Variants in UBP1 observed in about 807,000 individuals in gnomAD.
The protein encoded by UBP1 is upstream-binding protein 1.
A neutral mutation model predicts 76.1 loss-of-function variants in UBP1; 22 were observed. That is an observed-to-expected ratio of 0.29 (90% CI 0.21 to 0.41). UBP1 has a LOEUF of 0.41. Ranked by LOEUF, UBP1 falls within the 10% of genes least tolerant of loss-of-function variation. The pLI is 1.00. For missense variants in UBP1, 436 were observed against 668.1 expected (o/e 0.65, Z 3.83); for synonymous variants, 224 against 237.1 (o/e 0.94, Z 0.51).
chr3:33,417,084 T>C (rs1362641393), intron 2 of UBP1, among the ~76,000 whole-genome samples: 2 of 152,228 alleles, frequency 1.3e-5, no homozygotes, highest in African/African-American at 4.8e-5. Flanking sequence ...ACACTAAACT[T>C]TTATTATGCT....
At chr3:33,403,037 C>T in intron 8 of UBP1, 133 bp from the exon 9 acceptor site, 1 of 776,548 alleles carries the variant, frequency 1.3e-6, no homozygotes, top group Non-Finnish European at 2.1e-6. Flanking sequence ...AGCAACCTCA[C>T]AGACACATGT....
chr3:33,416,769 T>C lies in UBP1; in HGVS notation c.331A>G (p.Lys111Glu). ...TGGACTGTCCTTACCTTTACTAATT[T>C]TCCATTGATCTCAGGCATATCACCC... ...KMGDMPEING[K>E]LVKSIIRVVF... The change falls in exon 3 of 16, where the codon AAA (lysine) becomes GAA (glutamate). Residue 111 changes from lysine (K) to glutamate (E), a missense_variant. Physicochemically the swap from Lys to Glu is moderately conservative, Grantham distance 56. Around this residue, in one of 3 missense-constraint regions of UBP1, gnomAD observed 161 missense variants for 237.9 expected, o/e 0.68. Transcript: ENST00000283629. 1.2e-6 allele frequency: 2 copies of C among 1,613,104 alleles called. No homozygotes were observed. The highest frequency in any genetic ancestry group is 1.7e-4 in the Middle Eastern group (1 of 6,056).
At chr3:33,428,133 G>C (rs991159174) in intron 1 of UBP1, among the ~76,000 whole-genome samples, 5 of 132,406 alleles carry the variant, frequency 3.8e-5, no homozygotes, top group African/African-American at 1.2e-4. Flanking sequence ...AGTGAGCTGA[G>C]ATCGTGACAC....
Position 33,416,621 on chromosome 3 carries a change from G to A in UBP1, c.342+137C>T, listed in dbSNP as rs954472071. The A allele has an allele frequency of 2.4e-5, 15 of 621,026 alleles. No homozygotes were observed. In the African/African-American group the frequency reaches 2.8e-4, roughly 12 times the overall value. 38.5% of individuals were successfully genotyped at this position (621,026 alleles called of 1,614,324 possible). A position where few individuals can be genotyped will look rare whatever the true frequency, so the allele number is the denominator to read the frequency against. On this transcript the variant is annotated intron_variant, in intron 3 of 15. Coordinates refer to ENST00000283629, the MANE Select transcript of UBP1 (RefSeq NM_014517.5). The stretch of plus-strand genomic sequence containing the variant: ...AACTGCTATAATTCCCATTTTACAG[G>A]TGAATAAACAAAATATAGCTCATAA...
At chr3:33,425,859 G>C in intron 1 of UBP1, 118 bp from the exon 2 acceptor site, 3 of 902,146 alleles carry the variant, frequency 3.3e-6, no homozygotes, top group Non-Finnish European at 3.0e-6. Context: ...TAAACATTTA[G>C]GGATAGTTTT....
At chr3:33,390,956 T>C (rs1286613250) in intron 15 of UBP1, 1 of 152,346 alleles carries the variant, frequency 6.6e-6, no homozygotes, top group African/African-American at 2.4e-5. Context: ...GGAGATCCTA[T>C]GATTTCTAAT....
At chr3:33,426,025 A>G (rs2045009901) in intron 1 of UBP1, among the ~76,000 whole-genome samples, 2 of 90,990 alleles carry the variant, frequency 2.2e-5, no homozygotes, top group Admixed American at 3.0e-4. Flanking sequence ...ATATATATAT[A>G]TATATATATA....
At chr3:33,403,046 G>A (rs1288556571) in intron 8 of UBP1, 142 bp from the exon 9 acceptor site, 2 of 748,608 alleles carry the variant, frequency 2.7e-6, no homozygotes, top group African/African-American at 1.8e-5. Flanking sequence ...ACAGACACAT[G>A]TCAAATTTAC....
intron 2 of UBP1, among the ~76,000 whole-genome samples, chr3:33,424,299 A>C (rs1401443029): frequency 1.3e-5 from 2 of 152,242 alleles, no homozygotes; most frequent in Non-Finnish European, 2.9e-5. Flanking sequence ...CTGAAGGTAA[A>C]ACCTTATAGA....
intron 13 of UBP1, among the ~76,000 whole-genome samples, chr3:33,395,748 T>C (rs1245412452): frequency 1.7e-5 from 1 of 58,526 alleles, no homozygotes; most frequent in Non-Finnish European, 3.2e-5. Context: ...GTCAGGAAAA[T>C]TGAAAAAAAA....
intron 2 of UBP1, among the ~76,000 whole-genome samples, chr3:33,421,553 C>T (rs930453880): frequency 2.0e-5 from 3 of 152,150 alleles, no homozygotes; most frequent in Non-Finnish European, 2.9e-5. Flanking sequence ...TACAGGCATG[C>T]GCCACCGCAC....
intron 3 of UBP1, chr3:33,416,204 C>A (rs1427124783): frequency 6.6e-6 from 1 of 152,194 alleles, no homozygotes. Context: ...ATTAACCCTG[C>A]CCTGTAATGC....
chr3:33,398,694 G>C (rs1038447801), intron 11 of UBP1, among the ~76,000 whole-genome samples: 3 of 152,202 alleles, frequency 2.0e-5, no homozygotes, highest in Non-Finnish European at 4.4e-5. Flanking sequence ...CACGCCATGT[G>C]ATCACTGCTC....
chr3:33,433,610 G>A (rs920979905), intron 1 of UBP1, among the ~76,000 whole-genome samples: 1 of 151,606 alleles, frequency 6.6e-6, no homozygotes, highest in Non-Finnish European at 1.5e-5. Context: ...CTGAGACAGT[G>A]CCACTGCACT....
chr3:33,436,582 T>C (rs971896828), intron 1 of UBP1, among the ~76,000 whole-genome samples: 11 of 152,216 alleles, frequency 7.2e-5, no homozygotes, highest in African/African-American at 2.4e-4. Flanking sequence ...ATACAAGCCA[T>C]TACTTCCTAT....
chr3:33,439,863 G>C lies in UBP1; in HGVS notation c.-15C>G, dbSNP rs773593893. The stretch of plus-strand genomic sequence containing the variant: ...ACCCAGGCCATCTTCCGGCCTCGCC[G>C]TCGCCCCGCACACCGCGGCCTCCGC... On this transcript the variant is annotated 5_prime_UTR_variant, in exon 1 of 16. Transcript: ENST00000283629. 2.5e-6 allele frequency: 4 copies of C among 1,610,424 alleles called. No homozygotes were observed. The highest frequency in any genetic ancestry group is 1.1e-5 in the South Asian group (1 of 90,666).
chr3:33,392,488 C>T (rs372854340), intron 15 of UBP1, 75 bp downstream of exon 15: 109 of 1,244,382 alleles, frequency 8.8e-5, no homozygotes, highest in Non-Finnish European at 1.1e-4. Flanking sequence ...AGAATAAACA[C>T]GAGAGGCACT....
intron 1 of UBP1, among the ~76,000 whole-genome samples, chr3:33,426,752 C>G (rs2045024731): frequency 6.6e-6 from 1 of 152,122 alleles, no homozygotes; most frequent in African/African-American, 2.4e-5. Flanking sequence ...CTAACATGTA[C>G]CAATGCTTCA....
chr3:33,408,859 C>T, intron 7 of UBP1, 62 bp from the exon 8 acceptor site: 1 of 1,376,008 alleles, frequency 7.3e-7, no homozygotes, highest in East Asian at 2.3e-5. Context: ...GATCTAACAC[C>T]CTGTTTCATG....
Sources: allele counts gnomAD v4.1 joint callset (sites outside exome capture counted in the v4.1 genomes callset), GRCh38; gene constraint gnomAD v4.1.1; regional missense constraint gnomAD v4.1.1; transcripts MANE v1.5; gene names NCBI Gene and HGNC (gene_info 2026-07-23, HGNC 2026-07-21).